Variants in CUX2 observed in about 807,000 individuals in gnomAD.
CUX2 encodes the protein cut like homeobox 2, also known as homeobox protein cut-like 2.
CUX2 carries 40 observed loss-of-function variants against 144.8 expected under a neutral mutation model. The ratio of observed to expected loss-of-function variants is 0.28; its 90% CI spans 0.21 to 0.36. The LOEUF (loss-of-function observed/expected upper bound fraction) is 0.36, where lower values mean the gene tolerates loss of function less well. Ranked by LOEUF, CUX2 falls within the 10% of genes least tolerant of loss-of-function variation. The pLI is 1.00. For synonymous variants in CUX2, 827 were observed against 875.6 expected (o/e 0.94, Z 0.98); for missense variants, 1,615 against 1,994.0 (o/e 0.81, Z 3.62).
intron 7 of CUX2, 148 bp from the exon 8 acceptor site, chr12:111,296,325 G>A (rs1442296619): frequency 3.1e-6 from 2 of 655,086 alleles, no homozygotes; most frequent in African/African-American, 3.6e-5. Context: ...ACCGTCACCA[G>A]TTCTGACTGA....
At chr12:111,245,357 G>A (rs557490964) in intron 3 of CUX2, among the ~76,000 whole-genome samples, 3 of 151,288 alleles carry the variant, frequency 2.0e-5, no homozygotes, top group Admixed American at 1.3e-4. Context: ...GCAACATAGT[G>A]AGACCCCCAT....
chr12:111,104,161 T>C (rs732167), intron 1 of CUX2, among the ~76,000 whole-genome samples: 1,779 of 152,310 alleles, frequency 0.012, 33 homozygotes, highest in African/African-American at 0.041. Flanking sequence ...ACAATCATCT[T>C]TTTTATGTCT....
intron 1 of CUX2, among the ~76,000 whole-genome samples, chr12:111,038,810 T>C (rs1241746375): frequency 6.6e-6 from 1 of 151,736 alleles, no homozygotes; most frequent in Non-Finnish European, 1.5e-5. Flanking sequence ...TTGAATTCAC[T>C]GTAGAAAATG....
chr12:111,175,790 G>T (rs180901034), intron 1 of CUX2, among the ~76,000 whole-genome samples: 1 of 151,826 alleles, frequency 6.6e-6, no homozygotes, highest in Non-Finnish European at 1.5e-5. Context: ...TTTCACCGCC[G>T]GTTGCAATGT....
At chr12:111,115,791 T>C (rs974885160) in intron 1 of CUX2, among the ~76,000 whole-genome samples, 2 of 152,202 alleles carry the variant, frequency 1.3e-5, no homozygotes, top group African/African-American at 4.8e-5. Flanking sequence ...TAATTATTAA[T>C]GTGAGTATCT....
chr12:111,236,330 A>G (rs1237804409), intron 3 of CUX2, among the ~76,000 whole-genome samples: 1 of 152,200 alleles, frequency 6.6e-6, no homozygotes, highest in Non-Finnish European at 1.5e-5. Context: ...CCTGGGTCTC[A>G]GTATATATCA....
chr12:111,303,359 G>T (rs1002381447), intron 9 of CUX2, among the ~76,000 whole-genome samples: 2 of 152,022 alleles, frequency 1.3e-5, no homozygotes, highest in African/African-American at 4.8e-5. Context: ...AACTGAGCTG[G>T]GCACGATGGC....
chr12:111,271,300 C>T (rs1380007799), intron 4 of CUX2, among the ~76,000 whole-genome samples: 7 of 152,190 alleles, frequency 4.6e-5, no homozygotes, highest in South Asian at 2.1e-4. Context: ...AGAGGGAAAA[C>T]GACCAGCTAG....
At chr12:111,064,318 C>A (rs966719670) in intron 1 of CUX2, among the ~76,000 whole-genome samples, 2 of 152,166 alleles carry the variant, frequency 1.3e-5, no homozygotes, top group Admixed American at 1.3e-4. Flanking sequence ...AGGCAAGTTA[C>A]CTGACCCCTC....
intron 1 of CUX2, among the ~76,000 whole-genome samples, chr12:111,159,789 C>T (rs967626756): frequency 6.6e-6 from 1 of 152,176 alleles, no homozygotes; most frequent in Non-Finnish European, 1.5e-5. Flanking sequence ...CTTTGGGAGG[C>T]CAAGGCGGGT....
At chr12:111,296,589 C>A in intron 8 of CUX2, 50 bp downstream of exon 8, 1 of 1,524,702 alleles carries the variant, frequency 6.6e-7, no homozygotes, top group African/African-American at 1.4e-5. Context: ...GCCTCCCAGA[C>A]AGGCCTCCTC....
intron 4 of CUX2, among the ~76,000 whole-genome samples, chr12:111,286,739 G>A (rs895343670): frequency 6.6e-6 from 1 of 152,072 alleles, no homozygotes; most frequent in Non-Finnish European, 1.5e-5. Context: ...CTGGCATGGT[G>A]GTAGCTGTAG....
At chr12:111,075,896 AATG>A (rs760222137) in intron 1 of CUX2, among the ~76,000 whole-genome samples, 1 of 152,150 alleles carries the variant, frequency 6.6e-6, no homozygotes, top group African/African-American at 2.4e-5. Context: ...TCTGAATAAT[AATG>A]ATGATGATAA....
intron 4 of CUX2, among the ~76,000 whole-genome samples, chr12:111,267,286 C>G (rs945733764): frequency 6.6e-6 from 1 of 151,710 alleles, no homozygotes; most frequent in African/African-American, 2.4e-5. Flanking sequence ...CCCACAGAAT[C>G]AGCTTCTGCA....
At chr12:111,155,925 A>T (rs935554022) in intron 1 of CUX2, among the ~76,000 whole-genome samples, 2 of 80,904 alleles carry the variant, frequency 2.5e-5, no homozygotes, top group African/African-American at 2.9e-4. Context: ...TTAAAAAATA[A>T]AAAAAAAAAA....
chr12:111,166,451 A>G (rs1878149635), intron 1 of CUX2, among the ~76,000 whole-genome samples: 2 of 152,224 alleles, frequency 1.3e-5, no homozygotes, highest in Admixed American at 1.3e-4. Flanking sequence ...GGTAATACCC[A>G]AACTAACATT....
At chr12:111,157,000 A>AAAAAAAAAAAAAAAAAG (rs1877427289) in intron 1 of CUX2, among the ~76,000 whole-genome samples, 1 of 150,978 alleles carries the variant, frequency 6.6e-6, no homozygotes, top group Non-Finnish European at 1.5e-5. Context: ...AAAAAAAAAA[A>AAAAAAAAAAAAAAAAAG]AAAAAAAAAC....
intron 1 of CUX2, among the ~76,000 whole-genome samples, chr12:111,126,849 A>G (rs1211115924): frequency 6.6e-6 from 1 of 152,222 alleles, no homozygotes; most frequent in African/African-American, 2.4e-5. Flanking sequence ...ATCTCCAAGT[A>G]AAGATAATAA....
At chr12:111,249,436 CCTTTTTTTGTTTT>C in intron 3 of CUX2, among the ~76,000 whole-genome samples, 1 of 134,890 alleles carries the variant, frequency 7.4e-6, no homozygotes, top group Admixed American at 7.5e-5. Flanking sequence ...ATTAATAGAC[CCTTTTTTTGTTTT>C]TTTTTTTTTT....
Sources: gnomAD v4.1 joint callset for allele counts (sites outside exome capture counted in the v4.1 genomes callset) on GRCh38, gnomAD v4.1.1 for gene constraint, MANE v1.5 for transcripts, NCBI Gene and HGNC (gene_info 2026-07-23, HGNC 2026-07-21) for gene names.